SUMF1: variants seen among roughly 807,000 people sequenced by gnomAD.
SUMF1 encodes formylglycine-generating enzyme.
In SUMF1, 48 loss-of-function variants were observed where a neutral mutation model predicts 47.6. The ratio of observed to expected loss-of-function variants is 1.01; its 90% CI spans 0.80 to 1.28. SUMF1 has a LOEUF of 1.28. SUMF1 is among the 50% of genes most tolerant of loss of function. SUMF1 has a pLI of 0.00. For missense variants in SUMF1, 571 were observed against 485.4 expected (o/e 1.18, Z -1.66); for synonymous variants, 230 against 192.1 (o/e 1.20, Z -1.63).
intron 2 of SUMF1, among the ~76,000 whole-genome samples, chr3:4,452,555 T>G (rs889204381): frequency 5.9e-5 from 9 of 152,240 alleles, no homozygotes; most frequent in Non-Finnish European, 1.0e-4. Flanking sequence ...TCTGACACAT[T>G]AAGCATTAAC....
At chr3:4,048,882 T>C (rs755648090) in intron 9 of SUMF1, among the ~76,000 whole-genome samples, 9 of 152,172 alleles carry the variant, frequency 5.9e-5, no homozygotes, top group Non-Finnish European at 1.0e-4. Flanking sequence ...CTGCACTTCA[T>C]AGGAACTCAA....
intron 8 of SUMF1, among the ~76,000 whole-genome samples, chr3:4,097,444 T>C (rs542073918): frequency 6.6e-6 from 1 of 152,006 alleles, no homozygotes; most frequent in South Asian, 2.1e-4. Flanking sequence ...TCCCAGCTAC[T>C]TGGGAGGCTG....
intron 8 of SUMF1, among the ~76,000 whole-genome samples, chr3:4,277,703 C>T (rs1697447506): frequency 6.6e-6 from 1 of 152,100 alleles, no homozygotes; most frequent in Non-Finnish European, 1.5e-5. Context: ...ATTACACTTT[C>T]TCAATCAGCA....
At chr3:4,191,738 A>G (rs1454903574) in intron 8 of SUMF1, among the ~76,000 whole-genome samples, 1 of 152,136 alleles carries the variant, frequency 6.6e-6, no homozygotes, top group African/African-American at 2.4e-5. Context: ...CTGGGTCAGT[A>G]ATAATGCTAC....
chr3:4,223,681 T>A (rs1696114788), intron 8 of SUMF1, among the ~76,000 whole-genome samples: 2 of 152,200 alleles, frequency 1.3e-5, no homozygotes, highest in South Asian at 2.1e-4. Flanking sequence ...AGATTCACCC[T>A]CCAAAATTAT....
At chr3:4,370,208 T>C (rs1049379540) in intron 8 of SUMF1, among the ~76,000 whole-genome samples, 16 of 152,108 alleles carry the variant, frequency 1.1e-4, no homozygotes, top group African/African-American at 3.6e-4. Flanking sequence ...ATCTGGAGCA[T>C]GAGAATTCCA....
chr3:4,193,949 T>C (rs1241703393), intron 8 of SUMF1, among the ~76,000 whole-genome samples: 9 of 152,184 alleles, frequency 5.9e-5, no homozygotes, highest in Non-Finnish European at 1.3e-4. Flanking sequence ...TAGCTACTAT[T>C]ATTGGAATAG....
chr3:4,063,217 C>T (rs1695302690), intron 9 of SUMF1, among the ~76,000 whole-genome samples: 1 of 152,042 alleles, frequency 6.6e-6, no homozygotes, highest in African/African-American at 2.4e-5. Flanking sequence ...TAAATGCCCA[C>T]ACATCAACTG....
chr3:4,218,140 C>T lies in SUMF1; in HGVS notation c.1015-149395G>A, dbSNP rs562283156. On this transcript the variant is annotated intron_variant and NMD_transcript_variant, in intron 8 of 12. Coordinates refer to the SUMF1 transcript ENST00000448413. ...AAAAAAATAGACACGCAGGGAAGAT[C>T]GGGTGAAGACACTGGAAGAAGGCCA... Among the ~76,000 whole-genome samples, 33 of 151,904 alleles carry T rather than the reference C, an allele frequency of 2.2e-4. 1 individual carries two copies. The highest frequency in any genetic ancestry group is 7.5e-4 in the African/African-American group (31 of 41,442).
At chr3:4,201,301 C>G (rs1445105190) in intron 8 of SUMF1, among the ~76,000 whole-genome samples, 1 of 151,994 alleles carries the variant, frequency 6.6e-6, no homozygotes, top group Non-Finnish European at 1.5e-5. Flanking sequence ...ACTACCCTTC[C>G]TAGCTTCTGG....
chr3:4,448,409 C>T (rs967230742), intron 3 of SUMF1, among the ~76,000 whole-genome samples: 1 of 150,104 alleles, frequency 6.7e-6, no homozygotes, highest in Non-Finnish European at 1.5e-5. Context: ...TGGATTCCTT[C>T]GTCTTCAATG....
chr3:4,371,722 C>A (rs116322637), intron 8 of SUMF1, among the ~76,000 whole-genome samples: 1 of 152,136 alleles, frequency 6.6e-6, no homozygotes, highest in Non-Finnish European at 1.5e-5. Context: ...TGTATTACTA[C>A]GTATTAATTC....
chr3:4,089,334 G>C (rs1417754954), intron 8 of SUMF1, among the ~76,000 whole-genome samples: 1 of 152,130 alleles, frequency 6.6e-6, no homozygotes, highest in Non-Finnish European at 1.5e-5. Context: ...ACTTCAGAAT[G>C]TCCAGCTCTG....
intron 3 of SUMF1, among the ~76,000 whole-genome samples, chr3:4,442,319 G>A (rs1005240809): frequency 4.0e-5 from 6 of 150,524 alleles, no homozygotes; most frequent in African/African-American, 1.5e-4. Flanking sequence ...GCGGTGGCGC[G>A]ATCTCGGCTC....
chr3:4,303,550 G>C (rs1698040705), intron 8 of SUMF1: 1 of 1,345,760 alleles, frequency 7.4e-7, no homozygotes, highest in Admixed American at 4.2e-5. Flanking sequence ...CAGGCGGCGC[G>C]GGAGGCGGGC....
chr3:4,378,017 C>T (rs923112901), intron 7 of SUMF1, among the ~76,000 whole-genome samples: 5 of 152,230 alleles, frequency 3.3e-5, no homozygotes, highest in African/African-American at 1.2e-4. Flanking sequence ...ACCATGTGGG[C>T]AGAAGTGCAC....
intron 8 of SUMF1, among the ~76,000 whole-genome samples, chr3:4,254,161 G>GA (rs1330880699): frequency 1.3e-5 from 2 of 152,102 alleles, no homozygotes; most frequent in South Asian, 2.1e-4. Context: ...CAAAGATGGG[G>GA]AAAAAACAGA....
intron 9 of SUMF1, among the ~76,000 whole-genome samples, chr3:4,053,731 G>A (rs571204588): frequency 6.6e-6 from 1 of 152,196 alleles, no homozygotes; most frequent in South Asian, 2.1e-4. Context: ...TTATTAAGTA[G>A]TACAGAAGGG....
At chr3:4,213,495 C>A (rs1243064962) in intron 8 of SUMF1, among the ~76,000 whole-genome samples, 1 of 152,154 alleles carries the variant, frequency 6.6e-6, no homozygotes, top group Non-Finnish European at 1.5e-5. Context: ...TATGAAGAAA[C>A]TGCATCAACT....
Sources: allele counts gnomAD v4.1 joint callset (sites outside exome capture counted in the v4.1 genomes callset), GRCh38; gene constraint gnomAD v4.1.1; transcripts MANE v1.5; gene names NCBI Gene and HGNC (gene_info 2026-07-23, HGNC 2026-07-21).